Variants in CHLSN observed in about 807,000 individuals in gnomAD.
The protein encoded by CHLSN is cholesin.
the CHLSN span, among the ~76,000 whole-genome samples, chr7:1,117,405 G>A: frequency 2.5e-5 from 3 of 118,236 alleles, no homozygotes. Flanking sequence ...CACGCAGGAT[G>A]ACATCACTGC....
the CHLSN span, chr7:1,028,161 G>A: frequency 3.5e-6 from 3 of 862,772 alleles, no homozygotes; most frequent in South Asian, 4.9e-5. Flanking sequence ...GGCCTCCCAC[G>A]GGAGCGCCCA....
At chr7:1,013,243 C>T in the CHLSN span, among the ~76,000 whole-genome samples, 6 of 152,236 alleles carry the variant, frequency 3.9e-5, no homozygotes, top group East Asian at 3.8e-4. Context: ...CCAAAGAACG[C>T]GGGTTTCACT....
the CHLSN span, among the ~76,000 whole-genome samples, chr7:1,048,784 C>T: frequency 5.9e-5 from 9 of 152,306 alleles, no homozygotes; most frequent in South Asian, 4.1e-4. Flanking sequence ...TCTCCACAGC[C>T]GCACATGGGC....
chr7:986,391 G>A, the CHLSN span: 6 of 576,726 alleles, frequency 1.0e-5, no homozygotes, highest in African/African-American at 9.5e-5. Context: ...ATGGAAGGAG[G>A]TCCTGCTGTG....
the CHLSN span, among the ~76,000 whole-genome samples, chr7:1,099,926 T>C: frequency 6.6e-6 from 1 of 152,180 alleles, no homozygotes; most frequent in Non-Finnish European, 1.5e-5. Context: ...CCCTGAGTAA[T>C]ACCGTGCGGC....
At chr7:1,124,974 G>A in the CHLSN span, among the ~76,000 whole-genome samples, 15 of 152,310 alleles carry the variant, frequency 9.8e-5, no homozygotes, top group South Asian at 4.1e-4. Context: ...TTGGGGTGCT[G>A]TCTGGCTTCC....
chr7:987,956 GGGGGTCCCCTCTGTGTGTCCT>G, the CHLSN span, among the ~76,000 whole-genome samples: 1 of 104,222 alleles, frequency 9.6e-6, no homozygotes, highest in African/African-American at 6.4e-5. Context: ...TGTGTGTCCT[GGGGGTCCCCTCTGTGTGTCCT>G]GGGGGGGTCC....
chr7:1,126,359 CAAAAAA>C, the CHLSN span, among the ~76,000 whole-genome samples: 29 of 40,514 alleles, frequency 7.2e-4, no homozygotes, highest in South Asian at 4.1e-3. Context: ...GACTCTGTCT[CAAAAAA>C]AAAAAAAAAA....
At chr7:1,123,442 G>A in the CHLSN span, among the ~76,000 whole-genome samples, 1 of 152,126 alleles carries the variant, frequency 6.6e-6, no homozygotes, top group Non-Finnish European at 1.5e-5. This position sits in a 1 kb window ranked among gnomAD's most constrained non-coding sequence, Gnocchi z 4.4. Context: ...CCTCGATGGT[G>A]GATTCCGGAG....
chr7:1,045,302 G>A, the CHLSN span: 1 of 152,248 alleles, frequency 6.6e-6, no homozygotes, highest in Non-Finnish European at 1.5e-5. Flanking sequence ...GCTACGTGGT[G>A]GACCAGAGGA....
At chr7:1,055,016 T>C in the CHLSN span, among the ~76,000 whole-genome samples, 2 of 152,034 alleles carry the variant, frequency 1.3e-5, no homozygotes, top group Non-Finnish European at 2.9e-5. Flanking sequence ...TGCATGGACC[T>C]GGACACGTGT....
At chr7:1,092,776 C>T in the CHLSN span, 30 of 1,613,534 alleles carry the variant, frequency 1.9e-5, no homozygotes, top group Non-Finnish European at 2.0e-5. Context: ...GGCCCTGAAC[C>T]GCTTCTGTCA....
the CHLSN span, chr7:1,093,761 G>T: frequency 4.7e-5 from 21 of 448,122 alleles, no homozygotes; most frequent in South Asian, 3.4e-4. Context: ...AAGAAAAGCT[G>T]ATGAGGCTGG....
At chr7:1,028,579 G>A in the CHLSN span, 24 of 984,886 alleles carry the variant, frequency 2.4e-5, no homozygotes, top group Non-Finnish European at 2.7e-5. Context: ...CCACCTGCGC[G>A]AACTGCGGGG....
chr7:1,033,821 A>T, the CHLSN span, among the ~76,000 whole-genome samples: 2 of 151,888 alleles, frequency 1.3e-5, no homozygotes, highest in Non-Finnish European at 1.5e-5. Context: ...GAGTGAGGGG[A>T]GGAGACACCC....
At chr7:1,050,375 A>G in the CHLSN span, among the ~76,000 whole-genome samples, 4 of 152,236 alleles carry the variant, frequency 2.6e-5, no homozygotes, top group African/African-American at 9.6e-5. Context: ...CGGCGGGCAC[A>G]TCCATGGACT....
chr7:1,001,382 TGGAGTCCTGTGGGTGG>T, the CHLSN span, among the ~76,000 whole-genome samples: 45 of 131,486 alleles, frequency 3.4e-4, no homozygotes, highest in Admixed American at 2.2e-4. Flanking sequence ...TGTGGGTGAG[TGGAGTCCTGTGGGTGG>T]GGAGTCCTGT....
the CHLSN span, chr7:1,058,180 G>A: frequency 1.5e-5 from 11 of 740,702 alleles, no homozygotes; most frequent in African/African-American, 6.8e-5. Context: ...CCCCTGGACC[G>A]GGACACGGGC....
the CHLSN span, among the ~76,000 whole-genome samples, chr7:1,118,439 C>A: frequency 6.6e-6 from 1 of 152,158 alleles, no homozygotes; most frequent in Admixed American, 6.5e-5. Context: ...TCCCAATACA[C>A]CATCAATAAC....
Sources: gnomAD v4.1 joint callset for allele counts (sites outside exome capture counted in the v4.1 genomes callset) on GRCh38, gnomAD v4.1.1 for gene constraint, Gnocchi (gnomAD v3.1) non-coding constraint, MANE v1.5 for transcripts, NCBI Gene and HGNC (gene_info 2026-07-23, HGNC 2026-07-21) for gene names.